Variants in KCNK3 observed in about 807,000 individuals in gnomAD.
KCNK3 encodes the protein potassium channel subfamily K member 3.
In KCNK3, 9 loss-of-function variants were observed where a neutral mutation model predicts 27.3. That is an observed-to-expected ratio of 0.33 (90% CI 0.20 to 0.57). The LOEUF (loss-of-function observed/expected upper bound fraction) is 0.57, where lower values mean the gene tolerates loss of function less well. KCNK3 is among the 20% of genes least tolerant of loss of function. KCNK3 has a pLI of 0.87. For missense variants in KCNK3, 391 were observed against 577.7 expected (o/e 0.68, Z 3.31); for synonymous variants, 278 against 273.8 (o/e 1.02, Z -0.15).
At chr2:26,710,930 A>G (rs1663100179) in intron 1 of KCNK3, among the ~76,000 whole-genome samples, 1 of 152,154 alleles carries the variant, frequency 6.6e-6, no homozygotes, top group African/African-American at 2.4e-5. Context: ...GTTTATTTTT[A>G]AAGTAACACT....
In KCNK3 at chr2:26,719,759, C is replaced by T. The variant is rs551719457; in HGVS notation, c.284-7908C>T. Among the ~76,000 whole-genome samples, 78 of 152,342 alleles carry T rather than the reference C, an allele frequency of 5.1e-4. 1 individual carries two copies. The South Asian group carries it at 0.016, about 31-fold the overall frequency. On this transcript the variant is annotated intron_variant, in intron 1 of 1. Transcript: ENST00000302909. ...ATCACCAACTCAAGTCCAGCACAACCTCAAGCTAGCCCTTGTGTAACAGAA... is the reference window on the plus strand; with the variant it reads ...ATCACCAACTCAAGTCCAGCACAACTTCAAGCTAGCCCTTGTGTAACAGAA...
chr2:26,727,617 G>C, intron 1 of KCNK3, 50 bp from the exon 2 acceptor site: 1 of 1,511,712 alleles, frequency 6.6e-7, no homozygotes, highest in East Asian at 2.3e-5. Flanking sequence ...GTTTCTGGAA[G>C]GGCAGCCCCA....
intron 1 of KCNK3, chr2:26,724,480 C>A: frequency 1.8e-6 from 1 of 543,742 alleles, no homozygotes; most frequent in Non-Finnish European, 2.3e-6. Flanking sequence ...GACTTCATGA[C>A]ACCAACTGTA....
intron 1 of KCNK3, among the ~76,000 whole-genome samples, chr2:26,718,827 C>G (rs927774409): frequency 6.6e-6 from 1 of 152,124 alleles, no homozygotes; most frequent in Non-Finnish European, 1.5e-5. Context: ...AGGTTCGTCT[C>G]GGATTCCTGG....
intron 1 of KCNK3, among the ~76,000 whole-genome samples, chr2:26,696,739 T>C (rs755554668): frequency 3.9e-5 from 6 of 152,120 alleles, no homozygotes; most frequent in Admixed American, 6.5e-5. Flanking sequence ...CATCTATTCA[T>C]AGCTCAGAGG....
At chr2:26,722,781 C>A (rs541360607) in intron 1 of KCNK3, among the ~76,000 whole-genome samples, 2 of 152,368 alleles carry the variant, frequency 1.3e-5, no homozygotes, top group East Asian at 3.9e-4. Context: ...AGTATCCACA[C>A]TGCACTGATC....
At chr2:26,724,613 C>G in intron 1 of KCNK3, 1 of 985,360 alleles carries the variant, frequency 1.0e-6, no homozygotes, top group Non-Finnish European at 1.2e-6. Context: ...TGAGATTGAG[C>G]CCTGGGGGCA....
At chr2:26,708,033 C>T (rs1471112513) in intron 1 of KCNK3, among the ~76,000 whole-genome samples, 4 of 152,228 alleles carry the variant, frequency 2.6e-5, no homozygotes, top group African/African-American at 9.7e-5. Flanking sequence ...AGAGCAGCCC[C>T]TGTTCTCATG....
intron 1 of KCNK3, among the ~76,000 whole-genome samples, chr2:26,712,574 C>A (rs1663137319): frequency 6.6e-6 from 1 of 152,034 alleles, no homozygotes; most frequent in Non-Finnish European, 1.5e-5. Context: ...TGCAGATGTC[C>A]CCCTTCCCTG....
chr2:26,728,143 G>C lies in KCNK3; in HGVS notation c.760G>C (p.Glu254Gln). The C allele has an allele frequency of 5.0e-6, 8 of 1,592,790 alleles. No individual in the cohort carries two copies. The highest frequency in any genetic ancestry group is 6.8e-6 in the Non-Finnish European group (8 of 1,169,840). Reference protein sequence around the residue: ...LRFMTMNAEDEKRDAEHRALL... With the variant: ...LRFMTMNAEDQKRDAEHRALL... The stretch of plus-strand genomic sequence containing the variant: ...CTTCATGACCATGAACGCCGAGGAC[G>C]AGAAGCGCGACGCCGAGCACCGCGC... Residue 254 changes from glutamate (E) to glutamine (Q), a missense_variant, in exon 2 of 2, where the codon GAG becomes CAG. Physicochemically the swap from Glu to Gln is conservative, Grantham distance 29. Coordinates refer to ENST00000302909, the MANE Select transcript of KCNK3 (RefSeq NM_002246.3).
intron 1 of KCNK3, among the ~76,000 whole-genome samples, chr2:26,706,565 G>A (rs1670376159): frequency 6.6e-6 from 1 of 152,156 alleles, no homozygotes; most frequent in Non-Finnish European, 1.5e-5. Context: ...GCTTCCTGGG[G>A]CTCTGGAGCA....
chr2:26,706,948 C>A (rs1050279531), intron 1 of KCNK3, among the ~76,000 whole-genome samples: 11 of 152,160 alleles, frequency 7.2e-5, no homozygotes, highest in Admixed American at 1.3e-4. Flanking sequence ...TAAAGCCCTT[C>A]CAGTTGGGGC....
chr2:26,728,285 C>A lies in KCNK3; in HGVS notation c.902C>A (p.Ala301Glu). Residue 301 changes from alanine to glutamate, a missense_variant, in exon 2 of 2, where the codon GCG becomes GAG. By Grantham distance (107) the Ala-to-Glu change is moderately radical. Transcript: ENST00000302909. ...AGGGGFRNVY[A>E]EVLHFQSMCS... The stretch of plus-strand genomic sequence containing the variant: ...GGCGGCGGCTTCCGCAACGTCTACG[C>A]GGAGGTGCTGCACTTCCAGTCCATG... The A allele has an allele frequency of 6.3e-7, 1 of 1,596,314 alleles. No individual in the cohort carries two copies. The highest frequency in any genetic ancestry group is 1.1e-5 in the South Asian group (1 of 88,754).
At chr2:26,700,848 G>T (rs1475262591) in intron 1 of KCNK3, among the ~76,000 whole-genome samples, 1 of 152,060 alleles carries the variant, frequency 6.6e-6, no homozygotes, top group African/African-American at 2.4e-5. Flanking sequence ...ATCATGGAAG[G>T]AGCAGACACT....
chr2:26,718,831 T>C (rs1284451523), intron 1 of KCNK3, among the ~76,000 whole-genome samples: 2 of 152,054 alleles, frequency 1.3e-5, no homozygotes, highest in African/African-American at 2.4e-5. Flanking sequence ...TCGTCTCGGA[T>C]TCCTGGGCTC....
In KCNK3 at chr2:26,728,560, T is replaced by C; in HGVS notation, c.1177T>C (p.Ser393Pro). Residue 393 changes from serine (S) to proline (P), a missense_variant, in exon 2 of 2, where the codon TCC becomes CCC. Physicochemically the swap from Ser to Pro is moderately conservative, Grantham distance 74. Coordinates refer to ENST00000302909, the MANE Select transcript of KCNK3 (RefSeq NM_002246.3). ...CCGCGGCCTCATGAAGCGCAGGAGC[T>C]CCGTGTGACTGCCCCGAGGGGCCTG... ...TFRGLMKRRS[S>P]V 6.9e-7 allele frequency: 1 copy of C among 1,446,670 alleles called. No individual in the cohort carries two copies. The highest frequency in any genetic ancestry group is 9.1e-7 in the Non-Finnish European group (1 of 1,099,372). The allele number at this position is 1,446,670 out of a possible 1,614,324, so 89.6% of individuals were successfully genotyped here. A position where few individuals can be genotyped will look rare whatever the true frequency, so the allele number is the denominator to read the frequency against.
intron 1 of KCNK3, among the ~76,000 whole-genome samples, chr2:26,726,782 C>T (rs529299377): frequency 3.9e-5 from 4 of 102,548 alleles, no homozygotes; most frequent in East Asian, 3.1e-4. Context: ...CAGGGTGGGC[C>T]AGGGTGGGGG....
chr2:26,727,842 C>A lies in KCNK3; in HGVS notation c.459C>A (p.Asp153Glu). The A allele has an allele frequency of 6.2e-7, 1 of 1,612,872 alleles. No individual in the cohort carries two copies. Among genetic ancestry groups the A allele is most frequent in the Non-Finnish European group, 8.5e-7 (1 of 1,178,970 alleles). The change falls in exon 2 of 2, where the codon GAC becomes GAA. Residue 153 changes from aspartate to glutamate, a missense_variant. Asp to Glu is a conservative substitution (Grantham distance 45, BLOSUM62 2). Around this residue, in one of 4 missense-constraint regions of KCNK3, gnomAD observed 158 missense variants for 267.7 expected, o/e 0.59. Coordinates refer to ENST00000302909, the MANE Select transcript of KCNK3 (RefSeq NM_002246.3). ...AKKGLGMRRA[D>E]VSMANMVLIG... ...AGGGGCTGGGCATGCGGCGCGCCGA[C>A]GTGTCCATGGCCAACATGGTGCTCA...
rs1199416582 is a variant in KCNK3 at position 26,728,161 on chromosome 2, C to T, written c.778C>T (p.His260Tyr). The stretch of plus-strand genomic sequence containing the variant: ...CGAGGACGAGAAGCGCGACGCCGAG[C>T]ACCGCGCGCTGCTCACGCGCAACGG... ...NAEDEKRDAE[H>Y]RALLTRNGQA... is the part of the protein sequence containing the mutation. The change falls in exon 2 of 2, where the codon CAC (histidine) becomes TAC (tyrosine). Residue 260 changes from histidine to tyrosine, a missense_variant. Around this residue, in one of 4 missense-constraint regions of KCNK3, gnomAD observed 38 missense variants for 80.5 expected, o/e 0.47. Coordinates refer to ENST00000302909, the MANE Select transcript of KCNK3 (RefSeq NM_002246.3). 1 of 1,578,372 alleles carries T rather than the reference C, an allele frequency of 6.3e-7. No individual in the cohort carries two copies. The highest frequency in any genetic ancestry group is 1.7e-4 in the Middle Eastern group (1 of 5,986).
Sources: gnomAD v4.1 joint callset for allele counts (sites outside exome capture counted in the v4.1 genomes callset) on GRCh38, gnomAD v4.1.1 for gene constraint, gnomAD v4.1.1 regional missense constraint, MANE v1.5 for transcripts, NCBI Gene and HGNC (gene_info 2026-07-23, HGNC 2026-07-21) for gene names.